Variants in SCAF8 observed in about 807,000 individuals in gnomAD.
SCAF8 encodes the protein SR-related CTD associated factor 8.
In SCAF8, 23 loss-of-function variants were observed where a neutral mutation model predicts 140.5. The ratio of observed to expected loss-of-function variants is 0.16; its 90% CI spans 0.12 to 0.23. The LOEUF is 0.23. SCAF8 is among the 10% of genes least tolerant of loss of function. SCAF8 has a pLI of 1.00. For synonymous variants in SCAF8, 575 were observed against 528.9 expected (o/e 1.09, Z -1.20); for missense variants, 1,397 against 1,555.7 (o/e 0.90, Z 1.72).
intron 1 of SCAF8, among the ~76,000 whole-genome samples, chr6:154,739,938 G>T (rs1214962852): frequency 6.6e-6 from 1 of 152,136 alleles, no homozygotes; most frequent in African/African-American, 2.4e-5. Flanking sequence ...TTTTTCCTTT[G>T]TTGATGGTTC....
chr6:154,742,771 G>C (rs1442567863), intron 1 of SCAF8, among the ~76,000 whole-genome samples: 1 of 152,098 alleles, frequency 6.6e-6, no homozygotes, highest in Non-Finnish European at 1.5e-5. Context: ...GGACTATGTT[G>C]CTCATGTTCT....
Position 154,827,196 on chromosome 6 carries a change from C to T in SCAF8, c.2096C>T (p.Pro699Leu). The T allele has an allele frequency of 6.2e-7, 1 of 1,604,802 alleles. No individual in the cohort carries two copies. The highest frequency in any genetic ancestry group is 8.5e-7 in the Non-Finnish European group (1 of 1,176,412). Residue 699 changes from proline to leucine, a missense_variant, in exon 18 of 20, where the codon CCA becomes CTA. Around this residue, in one of 5 missense-constraint regions of SCAF8, gnomAD observed 930 missense variants for 874.6 expected, o/e 1.06. Transcript: ENST00000367178. The stretch of plus-strand genomic sequence containing the variant: ...GGTTTCATGCCGCCTCCAGTTCCCC[C>T]ACCTGTTGTGCCACCCCCTACGATT... ...PPGFMPPPVP[P>L]PVVPPPTIPP...
Position 154,733,438 on chromosome 6 carries a change from C to T in SCAF8, c.-463C>T, listed in dbSNP as rs1778310998. 2.9e-6 allele frequency: 4 copies of T among 1,396,826 alleles called. No homozygotes were observed. The highest frequency in any genetic ancestry group is 3.0e-5 in the African/African-American group (2 of 66,486). 86.5% of individuals were successfully genotyped at this position (1,396,826 alleles called of 1,614,324 possible). A position where few individuals can be genotyped will look rare whatever the true frequency, so the allele number is the denominator to read the frequency against. On this transcript the variant is annotated 5_prime_UTR_variant, in exon 1 of 20. Transcript: ENST00000367178. ...GCCATATTGGATGCCGCAGCCGCTGCTGCCAGCGCTTCCTCCTCTGTCTTC... is the reference window on the plus strand; with the variant it reads ...GCCATATTGGATGCCGCAGCCGCTGTTGCCAGCGCTTCCTCCTCTGTCTTC...
chr6:154,736,310 G>T (rs370220552), intron 1 of SCAF8, among the ~76,000 whole-genome samples: 1 of 101,596 alleles, frequency 9.8e-6, no homozygotes, highest in African/African-American at 4.2e-5. Context: ...TGCTCTTGTT[G>T]CCCAGGCTGG....
chr6:154,759,483 G>A (rs72993409), intron 1 of SCAF8, among the ~76,000 whole-genome samples: 3,258 of 152,148 alleles, frequency 0.021, 56 homozygotes, highest in Non-Finnish European at 0.03. Flanking sequence ...TTGAAAAATG[G>A]CATATCCTGC....
At chr6:154,789,391 G>A (rs1255619403) in intron 4 of SCAF8, among the ~76,000 whole-genome samples, 1 of 152,060 alleles carries the variant, frequency 6.6e-6, no homozygotes, top group Non-Finnish European at 1.5e-5. Flanking sequence ...AATTACAAGT[G>A]TGAGCCACTG....
At chr6:154,793,302 A>T (rs1009758627) in intron 5 of SCAF8, among the ~76,000 whole-genome samples, 1 of 152,096 alleles carries the variant, frequency 6.6e-6, no homozygotes, top group Non-Finnish European at 1.5e-5. Flanking sequence ...TTTATAGGAT[A>T]CTAGGGGGAC....
chr6:154,818,620 G>A (rs774650175), intron 14 of SCAF8, 28 bp downstream of exon 14: 1 of 1,150,628 alleles, frequency 8.7e-7, no homozygotes, highest in Non-Finnish European at 1.3e-6. Context: ...GGAACTTGGG[G>A]TAGGGGGGCA....
chr6:154,800,137 G>A (rs895248195), intron 6 of SCAF8, among the ~76,000 whole-genome samples: 11 of 151,138 alleles, frequency 7.3e-5, no homozygotes, highest in Non-Finnish European at 1.0e-4. Context: ...TTACACTCCC[G>A]TTCTCTCTCG....
At chr6:154,747,542 C>T (rs1210986392) in intron 1 of SCAF8, among the ~76,000 whole-genome samples, 1 of 152,000 alleles carries the variant, frequency 6.6e-6, no homozygotes, top group Non-Finnish European at 1.5e-5. Flanking sequence ...TATACGTATA[C>T]ATATACCATC....
intron 13 of SCAF8, among the ~76,000 whole-genome samples, chr6:154,816,032 T>C (rs984846350): frequency 6.6e-6 from 1 of 152,216 alleles, no homozygotes. Flanking sequence ...CAAAATGTTC[T>C]TGAGTTTTAT....
In SCAF8 at chr6:154,822,269, T is replaced by G; in HGVS notation, c.1793-7T>G. ...CAAAGGAAATCAATTTCAACTATTT[T>G]GTTTAGAGTGGGAAACTGTGAAAAG... On this transcript the variant is annotated splice_region_variant and splice_polypyrimidine_tract_variant and intron_variant, in intron 15 of 19. Transcript: ENST00000367178. The G allele has an allele frequency of 6.3e-7, 1 of 1,595,286 alleles. No homozygotes were observed. The highest frequency in any genetic ancestry group is 1.8e-5 in the Admixed American group (1 of 54,922).
chr6:154,817,039 AT>A (rs5881104), intron 13 of SCAF8, among the ~76,000 whole-genome samples: 74,745 of 151,904 alleles, frequency 0.49, 19,114 homozygotes, highest in East Asian at 0.9. Context: ...GTCTTTTTAG[AT>A]TTTACCTGTC....
chr6:154,793,057 G>GGGCCGGGCGCGGTGGCTC, intron 5 of SCAF8, 81 bp downstream of exon 5: 1 of 1,132,278 alleles, frequency 8.8e-7, no homozygotes. Flanking sequence ...AAAATAATTC[G>GGGCCGGGCGCGGTGGCTC]ACAGTGCAGG....
At chr6:154,794,982 T>TG (rs776184501) in intron 5 of SCAF8, 27 bp from the exon 6 acceptor site, 11 of 1,565,700 alleles carry the variant, frequency 7.0e-6, no homozygotes, top group East Asian at 2.3e-5. Context: ...CATATTTATT[T>TG]GGGGGGTGTG....
intron 16 of SCAF8, 94 bp from the exon 17 acceptor site, chr6:154,824,140 C>G: frequency 7.8e-7 from 1 of 1,284,002 alleles, no homozygotes; most frequent in Non-Finnish European, 1.1e-6. Flanking sequence ...TATTTGTTAC[C>G]ATCCTGAAAG....
At chr6:154,807,790 CTG>C (rs1777965319) in intron 9 of SCAF8, among the ~76,000 whole-genome samples, 1 of 152,188 alleles carries the variant, frequency 6.6e-6, no homozygotes, top group Non-Finnish European at 1.5e-5. Flanking sequence ...TATTAGTCCT[CTG>C]TAGTTTATAT....
chr6:154,803,371 TAAAGA>T (rs1481822081), intron 7 of SCAF8, among the ~76,000 whole-genome samples, 168 bp from the exon 8 acceptor site: 5 of 152,168 alleles, frequency 3.3e-5, no homozygotes, highest in African/African-American at 9.6e-5. Context: ...CAAAATGCTT[TAAAGA>T]AAAGATCTAC....
At chr6:154,800,046 A>G (rs1777727268) in intron 6 of SCAF8, among the ~76,000 whole-genome samples, 1 of 151,286 alleles carries the variant, frequency 6.6e-6, no homozygotes, top group Non-Finnish European at 1.5e-5. Flanking sequence ...TCGGCCTTCC[A>G]AAGTACTGGG....
Sources: gnomAD v4.1 joint callset for allele counts (sites outside exome capture counted in the v4.1 genomes callset) on GRCh38, gnomAD v4.1.1 for gene constraint, gnomAD v4.1.1 regional missense constraint, MANE v1.5 for transcripts, NCBI Gene and HGNC (gene_info 2026-07-23, HGNC 2026-07-21) for gene names.